The following XRCC4 variants were observed in gnomAD, a reference collection of about 807,000 sequenced individuals.
XRCC4 encodes the protein X-ray repair cross complementing 4, also known as DNA repair protein XRCC4.
XRCC4 carries 28 observed loss-of-function variants against 39.1 expected under a neutral mutation model. That is an observed-to-expected ratio of 0.72 (90% CI 0.53 to 0.98). The LOEUF is 0.98. Among genes scored for constraint, XRCC4 ranks in the 50% least tolerant of loss-of-function variants. The pLI, the probability that XRCC4 is intolerant of heterozygous loss-of-function variation, is 0.00. For synonymous variants in XRCC4, 123 were observed against 126.4 expected (o/e 0.97, Z 0.18); for missense variants, 350 against 376.4 (o/e 0.93, Z 0.58).
chr5:83,316,088 G>C (rs762908386), intron 7 of XRCC4, among the ~76,000 whole-genome samples: 2 of 152,100 alleles, frequency 1.3e-5, no homozygotes. Context: ...GGGAGAAGTT[G>C]ATTCCAATCC....
intron 3 of XRCC4, among the ~76,000 whole-genome samples, chr5:83,140,318 A>G (rs950629788): frequency 6.6e-6 from 1 of 152,216 alleles, no homozygotes; most frequent in African/African-American, 2.4e-5. Flanking sequence ...CCACCGATGT[A>G]AGTCTAAGAG....
chr5:83,208,536 G>A (rs1057234757), intron 6 of XRCC4, among the ~76,000 whole-genome samples: 3 of 151,896 alleles, frequency 2.0e-5, no homozygotes, highest in Non-Finnish European at 2.9e-5. Flanking sequence ...TTATGAATAC[G>A]CAATCAATTT....
chr5:83,122,536 G>T (rs1747059888), intron 3 of XRCC4, among the ~76,000 whole-genome samples: 1 of 152,088 alleles, frequency 6.6e-6, no homozygotes, highest in South Asian at 2.1e-4. Flanking sequence ...TCTTGATTTA[G>T]ATCTCATCAA....
chr5:83,120,556 G>T (rs1258956960), intron 3 of XRCC4, among the ~76,000 whole-genome samples: 1 of 152,086 alleles, frequency 6.6e-6, no homozygotes, highest in Non-Finnish European at 1.5e-5. Flanking sequence ...GTGTATTCTG[G>T]CTCATAACTT....
chr5:83,308,047 A>G (rs1186474406), intron 7 of XRCC4, among the ~76,000 whole-genome samples: 3 of 152,222 alleles, frequency 2.0e-5, no homozygotes, highest in African/African-American at 7.2e-5. Context: ...CCTCAAATGT[A>G]TTTTGGAGGA....
intron 7 of XRCC4, among the ~76,000 whole-genome samples, chr5:83,297,751 A>G (rs1156444114): frequency 6.6e-6 from 1 of 151,954 alleles, no homozygotes; most frequent in African/African-American, 2.4e-5. Context: ...ATTGTTAAAT[A>G]GGAACATGAA....
At chr5:83,257,164 C>T (rs1580432781) in intron 6 of XRCC4, among the ~76,000 whole-genome samples, 1 of 151,928 alleles carries the variant, frequency 6.6e-6, no homozygotes, top group African/African-American at 2.4e-5. Context: ...TATATGTGTA[C>T]CTGAAAAACC....
intron 3 of XRCC4, among the ~76,000 whole-genome samples, chr5:83,188,544 T>A (rs539208564): frequency 6.6e-6 from 1 of 152,158 alleles, no homozygotes; most frequent in Non-Finnish European, 1.5e-5. Flanking sequence ...TTTAATTGGC[T>A]CATGATTCTG....
At chr5:83,352,503 A>G (rs775845253) in intron 7 of XRCC4, among the ~76,000 whole-genome samples, 5 of 152,224 alleles carry the variant, frequency 3.3e-5, no homozygotes, top group Non-Finnish European at 5.9e-5. Context: ...CAAAGAAAAT[A>G]TCTACATAAA....
intron 1 of XRCC4, among the ~76,000 whole-genome samples, chr5:83,085,035 T>A (rs1390604975): frequency 6.6e-6 from 1 of 152,204 alleles, no homozygotes; most frequent in African/African-American, 2.4e-5. Flanking sequence ...TATCCTGAAT[T>A]TGTGTTCATT....
chr5:83,111,142 C>T lies in XRCC4; in HGVS notation c.254C>T (p.Thr85Met), dbSNP rs756247552. Residue 85 changes from threonine (T) to methionine (M), a missense_variant, in exon 3 of 8, where the codon ACG (threonine) becomes ATG (methionine). Coordinates refer to ENST00000396027, the MANE Select transcript of XRCC4 (RefSeq NM_003401.5). ...LSGAGPADVY[T>M]FNFSKESCYF... ...GGAGCAGGACCAGCTGATGTATACA[C>T]GTTTAATTTTTCTAAAGAGTCTTGT... 52 of 1,604,488 alleles carry T rather than the reference C, an allele frequency of 3.2e-5. No individual in the cohort carries two copies. The highest frequency in any genetic ancestry group is 1.3e-4 in the South Asian group (12 of 89,178).
At chr5:83,293,821 A>G (rs763758024) in intron 7 of XRCC4, among the ~76,000 whole-genome samples, 7 of 152,160 alleles carry the variant, frequency 4.6e-5, no homozygotes, top group South Asian at 4.1e-4. Flanking sequence ...ATCCTATAAG[A>G]AAAAGAATAT....
chr5:83,193,876 T>G (rs1024616958), intron 3 of XRCC4, among the ~76,000 whole-genome samples: 1 of 152,218 alleles, frequency 6.6e-6, no homozygotes, highest in Non-Finnish European at 1.5e-5. Flanking sequence ...TCCTGCTTTG[T>G]ATCAACTCAA....
chr5:83,374,331 AG>A, the XRCC4 span, among the ~76,000 whole-genome samples: 4 of 152,184 alleles, frequency 2.6e-5, no homozygotes, highest in Non-Finnish European at 5.9e-5. Flanking sequence ...TGATTTTATA[AG>A]GGGCTTCCCC....
chr5:83,329,419 T>C (rs1351880523), intron 7 of XRCC4, among the ~76,000 whole-genome samples: 1 of 151,970 alleles, frequency 6.6e-6, no homozygotes, highest in Non-Finnish European at 1.5e-5. Context: ...GTCGATTAAA[T>C]AAAAGCCAAG....
At chr5:83,284,045 C>A (rs1267011290) in intron 7 of XRCC4, among the ~76,000 whole-genome samples, 1 of 111,860 alleles carries the variant, frequency 8.9e-6, no homozygotes, top group African/African-American at 4.3e-5. Flanking sequence ...CTTCTACCAA[C>A]CCAGAGCAAA....
At chr5:83,126,659 A>G (rs1747281395) in intron 3 of XRCC4, among the ~76,000 whole-genome samples, 1 of 152,156 alleles carries the variant, frequency 6.6e-6, no homozygotes, top group Admixed American at 6.6e-5. Flanking sequence ...AGCTGTGGGA[A>G]GAAGGCCACC....
chr5:83,283,588 A>G (rs1754627560), intron 7 of XRCC4, among the ~76,000 whole-genome samples: 1 of 152,210 alleles, frequency 6.6e-6, no homozygotes, highest in African/African-American at 2.4e-5. Context: ...AATTGACTTT[A>G]TTCCACTAAT....
At chr5:83,288,484 T>C (rs1754807552) in intron 7 of XRCC4, among the ~76,000 whole-genome samples, 1 of 151,934 alleles carries the variant, frequency 6.6e-6, no homozygotes, top group Non-Finnish European at 1.5e-5. Context: ...TATATGTTCT[T>C]GTCTATTATG....
Sources: gnomAD v4.1 joint callset for allele counts (sites outside exome capture counted in the v4.1 genomes callset) on GRCh38, gnomAD v4.1.1 for gene constraint, MANE v1.5 for transcripts, NCBI Gene and HGNC (gene_info 2026-07-23, HGNC 2026-07-21) for gene names.